The following DSCAM variants were observed in gnomAD, a reference collection of about 807,000 sequenced individuals.
DSCAM encodes the protein DS cell adhesion molecule.
Under a neutral mutation model 217.7 loss-of-function variants are expected in DSCAM, and 47 were observed. The observed-to-expected ratio is 0.22, with a 90% CI of 0.17 to 0.28. DSCAM has a LOEUF of 0.28. Among genes scored for constraint, DSCAM ranks in the 10% least tolerant of loss-of-function variants. DSCAM has a pLI of 1.00. For missense variants in DSCAM, 2,080 were observed against 2,618.3 expected, an observed-to-expected ratio of 0.79 and a Z score of 4.49; for synonymous variants, 1,056 against 1,015.3, an observed-to-expected ratio of 1.04 and a Z score of -0.76.
intron 13 of DSCAM, 137 bp from the exon 14 acceptor site, chr21:40,187,396 T>G (rs1300153817): frequency 2.5e-6 from 3 of 1,184,356 alleles, no homozygotes; most frequent in African/African-American, 1.6e-5. Context: ...TGGAAGCATT[T>G]TCTTTTTCCT....
chr21:40,607,944 G>C (rs929197568), intron 3 of DSCAM, among the ~76,000 whole-genome samples: 1 of 152,144 alleles, frequency 6.6e-6, no homozygotes, highest in Non-Finnish European at 1.5e-5. Flanking sequence ...AAGGAAGTTG[G>C]TACAGGGCCA....
intron 11 of DSCAM, among the ~76,000 whole-genome samples, chr21:40,195,864 T>C (rs1040453293): frequency 6.6e-6 from 1 of 152,124 alleles, no homozygotes; most frequent in South Asian, 2.1e-4. Flanking sequence ...TATGAAAAAA[T>C]TTCAAACATA....
chr21:40,679,053 G>A (rs775430390), intron 3 of DSCAM, among the ~76,000 whole-genome samples: 1 of 152,186 alleles, frequency 6.6e-6, no homozygotes, highest in Non-Finnish European at 1.5e-5. Context: ...ACGGCATCAC[G>A]TAGGAGATGT....
chr21:40,672,358 T>C (rs1199154697), intron 3 of DSCAM, among the ~76,000 whole-genome samples: 1 of 152,106 alleles, frequency 6.6e-6, no homozygotes, highest in East Asian at 1.9e-4. Context: ...ATATCCGGAG[T>C]TGGAAGCTGG....
At chr21:40,622,295 G>T (rs2089531327) in intron 3 of DSCAM, among the ~76,000 whole-genome samples, 1 of 152,056 alleles carries the variant, frequency 6.6e-6, no homozygotes, top group South Asian at 2.1e-4. Context: ...ACAAAAAAAG[G>T]TGTGCTTCAA....
intron 3 of DSCAM, among the ~76,000 whole-genome samples, chr21:40,610,480 G>A (rs73368940): frequency 0.022 from 3,276 of 152,272 alleles, 95 homozygotes; most frequent in East Asian, 0.093. Flanking sequence ...GAGTAGAAGC[G>A]GCTTCCAGCT....
At chr21:40,524,739 G>T (rs2076386805) in intron 3 of DSCAM, among the ~76,000 whole-genome samples, 1 of 152,046 alleles carries the variant, frequency 6.6e-6, no homozygotes, top group South Asian at 2.1e-4. Context: ...GGCCAGGTGT[G>T]GTGGCTCATA....
chr21:40,070,289 G>A (rs1313137748), intron 27 of DSCAM, among the ~76,000 whole-genome samples: 1 of 140,074 alleles, frequency 7.1e-6, no homozygotes, highest in Non-Finnish European at 1.6e-5. Flanking sequence ...AGGGAGGGAG[G>A]GAGGGAAGGA....
intron 3 of DSCAM, among the ~76,000 whole-genome samples, chr21:40,404,168 A>C (rs1032274655): frequency 1.3e-5 from 2 of 152,176 alleles, no homozygotes; most frequent in Non-Finnish European, 2.9e-5. Flanking sequence ...TGCATTTAAC[A>C]ATTGCCTCAA....
At chr21:40,049,039 A>G (rs1056479952) in intron 30 of DSCAM, among the ~76,000 whole-genome samples, 11 of 152,236 alleles carry the variant, frequency 7.2e-5, no homozygotes, top group African/African-American at 2.7e-4. Flanking sequence ...AATACGCTCA[A>G]TTTGGAGAGT....
At chr21:40,594,294 G>A (rs1036256686) in intron 3 of DSCAM, among the ~76,000 whole-genome samples, 1 of 152,214 alleles carries the variant, frequency 6.6e-6, no homozygotes, top group Non-Finnish European at 1.5e-5. Flanking sequence ...TGGAGATTCT[G>A]CAAAGCCATG....
chr21:40,835,460 T>C (rs537657960), intron 1 of DSCAM, among the ~76,000 whole-genome samples: 2 of 152,182 alleles, frequency 1.3e-5, no homozygotes, highest in Non-Finnish European at 2.9e-5. Context: ...GAAACTATTA[T>C]TGTAAAGAGA....
chr21:40,278,178 C>G (rs1229959056), intron 10 of DSCAM, among the ~76,000 whole-genome samples: 1 of 152,070 alleles, frequency 6.6e-6, no homozygotes, highest in Non-Finnish European at 1.5e-5. Flanking sequence ...AAAATATGTG[C>G]AAGACCAGCC....
At chr21:40,670,535 T>C (rs1347756554) in intron 3 of DSCAM, among the ~76,000 whole-genome samples, 5 of 37,786 alleles carry the variant, frequency 1.3e-4, no homozygotes, top group Non-Finnish European at 2.4e-4. Context: ...AGACTCCGTC[T>C]CAAAAAAAAA....
intron 8 of DSCAM, among the ~76,000 whole-genome samples, chr21:40,323,586 A>G (rs1196549952): frequency 6.6e-6 from 1 of 152,024 alleles, no homozygotes; most frequent in African/African-American, 2.4e-5. Flanking sequence ...TCACTAACTT[A>G]AAAAAAATGC....
At chr21:40,029,992 GTGTGCTTGCGCA>G (rs1162217541) in intron 32 of DSCAM, among the ~76,000 whole-genome samples, 1 of 152,210 alleles carries the variant, frequency 6.6e-6, no homozygotes, top group East Asian at 1.9e-4. Flanking sequence ...ATGCCTACAC[GTGTGCTTGCGCA>G]CACACATGCG....
chr21:40,520,426 C>G (rs1286040028), intron 3 of DSCAM, among the ~76,000 whole-genome samples: 1 of 152,078 alleles, frequency 6.6e-6, no homozygotes, highest in Non-Finnish European at 1.5e-5. Flanking sequence ...TTGCTGTCAA[C>G]AATTTAAATG....
At chr21:40,578,282 AG>A in intron 3 of DSCAM, among the ~76,000 whole-genome samples, 1 of 152,278 alleles carries the variant, frequency 6.6e-6, no homozygotes, top group South Asian at 2.1e-4. Context: ...TAGCAATAGG[AG>A]GTGAAGTCAG....
chr21:40,507,671 T>C lies in DSCAM; in HGVS notation c.509-138426A>G, dbSNP rs149326643. 9.4e-3 allele frequency among the ~76,000 whole-genome samples: 1,425 copies of C among 152,152 alleles called. 28 individuals carry two copies. The highest frequency in any genetic ancestry group is 0.032 in the African/African-American group (1,311 of 41,490). Reference sequence around the variant, plus strand: ...TGGGCACGGTGTTGTGCACCTGTAGTCCCAGCTACTCGGGAGGCTGAGGCA... The same window carrying C: ...TGGGCACGGTGTTGTGCACCTGTAGCCCCAGCTACTCGGGAGGCTGAGGCA... On this transcript the variant is annotated intron_variant, in intron 3 of 32. Coordinates refer to ENST00000400454, the MANE Select transcript of DSCAM (RefSeq NM_001389.5).
Sources: gnomAD v4.1 joint callset for allele counts (sites outside exome capture counted in the v4.1 genomes callset) on GRCh38, gnomAD v4.1.1 for gene constraint, MANE v1.5 for transcripts, NCBI Gene and HGNC (gene_info 2026-07-23, HGNC 2026-07-21) for gene names.